The following CMC2 variants were observed in gnomAD, a reference collection of about 807,000 sequenced individuals.
The protein encoded by CMC2 is C-X9-C motif containing 2.
In CMC2, 5 loss-of-function variants were observed where a neutral mutation model predicts 7.5. The ratio of observed to expected loss-of-function variants is 0.66; its 90% CI spans 0.35 to 1.40. The LOEUF (loss-of-function observed/expected upper bound fraction) is 1.40, where lower values mean the gene tolerates loss of function less well. Among genes scored for constraint, CMC2 ranks in the 40% most tolerant of loss-of-function variants. The pLI is 0.04. For synonymous variants in CMC2, 37 were observed against 31.4 expected (o/e 1.18, Z -0.60); for missense variants, 115 against 92.3 (o/e 1.25, Z -1.01).
chr16:80,981,124 G>C (rs958139346), intron 3 of CMC2, among the ~76,000 whole-genome samples: 6 of 148,408 alleles, frequency 4.0e-5, no homozygotes, highest in African/African-American at 1.5e-4. Flanking sequence ...ATATCTGAAA[G>C]GCAAAATTTT....
rs934724731 is a variant in CMC2 at position 80,969,004 on chromosome 16, G to C, written c.*7089C>G. ...AAAACATAACACTTGCCAGCATAGGGAGGTAAGAGTAAGGCCAGTGTGACT... is the reference window on the plus strand; with the variant it reads ...AAAACATAACACTTGCCAGCATAGGCAGGTAAGAGTAAGGCCAGTGTGACT... On this transcript the variant is annotated 3_prime_UTR_variant, in exon 4 of 4. Transcript: ENST00000219400. The C allele has an allele frequency of 6.6e-6, 1 of 152,230 alleles. No homozygotes were observed. Among genetic ancestry groups the C allele is most frequent in the Non-Finnish European group, 1.5e-5 (1 of 68,044 alleles). 9.4% of individuals were successfully genotyped at this position (152,230 alleles called of 1,614,324 possible). A position where few individuals can be genotyped will look rare whatever the true frequency, so the allele number is the denominator to read the frequency against.
At chr16:81,006,687 AG>A (rs1346456614) in intron 1 of CMC2, 46 bp downstream of exon 1, 1 of 983,440 alleles carries the variant, frequency 1.0e-6, no homozygotes, top group Non-Finnish European at 1.2e-6. Flanking sequence ...GGACCTGAGG[AG>A]GAACAACGGA....
intron 2 of CMC2, among the ~76,000 whole-genome samples, chr16:80,986,598 A>T (rs1967558648): frequency 6.6e-6 from 1 of 152,210 alleles, no homozygotes; most frequent in Non-Finnish European, 1.5e-5. Flanking sequence ...GCCCCAATAA[A>T]AGTGTTGCCA....
chr16:80,975,003 G>A lies in CMC2; in HGVS notation c.*1090C>T, dbSNP rs1912175691. 6.6e-6 allele frequency: 1 copy of A among 152,240 alleles called. No individual in the cohort carries two copies. The allele number at this position is 152,240 out of a possible 1,614,324, so 9.4% of individuals were successfully genotyped here. A position where few individuals can be genotyped will look rare whatever the true frequency, so the allele number is the denominator to read the frequency against. ...ATTATACACAGAACTCCACTAGAAG[G>A]AGCTCACAGCTGAGTCTGTTCCCTG... On this transcript the variant is annotated 3_prime_UTR_variant, in exon 4 of 4. Coordinates refer to ENST00000219400, the MANE Select transcript of CMC2 (RefSeq NM_020188.5).
intron 3 of CMC2, among the ~76,000 whole-genome samples, chr16:80,977,025 T>C (rs1912465299): frequency 6.6e-6 from 1 of 152,168 alleles, no homozygotes; most frequent in Admixed American, 6.5e-5. Context: ...ACAGTGGGCC[T>C]ACATCTTAGA....
intron 2 of CMC2, chr16:80,992,107 TGTGA>T (rs1329861734): frequency 8.7e-6 from 3 of 344,172 alleles, no homozygotes; most frequent in African/African-American, 6.5e-5. Flanking sequence ...GGACACTAGA[TGTGA>T]GGTATATGGG....
At chr16:80,984,440 C>T (rs1967367584) in intron 2 of CMC2, among the ~76,000 whole-genome samples, 1 of 152,150 alleles carries the variant, frequency 6.6e-6, no homozygotes, top group Non-Finnish European at 1.5e-5. Context: ...CCATTTTAAA[C>T]GTACGTTTCA....
chr16:80,978,091 A>T (rs546190300), intron 3 of CMC2, among the ~76,000 whole-genome samples: 1 of 140,058 alleles, frequency 7.1e-6, no homozygotes, highest in South Asian at 2.2e-4. Flanking sequence ...AGCTACTTTA[A>T]ATTACACATG....
At chr16:80,976,823 T>C (rs185029594) in intron 3 of CMC2, among the ~76,000 whole-genome samples, 7 of 152,330 alleles carry the variant, frequency 4.6e-5, no homozygotes, top group African/African-American at 1.4e-4. Context: ...GATAACCCAC[T>C]TACTACCTTT....
intron 3 of CMC2, among the ~76,000 whole-genome samples, chr16:80,977,133 TCCCAA>T (rs1285329341): frequency 2.0e-5 from 3 of 152,164 alleles, no homozygotes; most frequent in African/African-American, 7.2e-5. Context: ...TAGCTCAACT[TCCCAA>T]GGTTTCTTCA....
At chr16:80,997,222 C>CA (rs1968496110) in intron 2 of CMC2, 92 bp downstream of exon 2, 1 of 784,994 alleles carries the variant, frequency 1.3e-6, no homozygotes, top group East Asian at 2.5e-5. Context: ...AAGACATTAT[C>CA]GTTTCCTTCT....
Position 80,989,551 on chromosome 16 carries a change from T to C in CMC2, c.82-7674A>G, listed in dbSNP as rs1967810765. On this transcript the variant is annotated intron_variant, in intron 2 of 3. Coordinates refer to ENST00000219400, the MANE Select transcript of CMC2 (RefSeq NM_020188.5). ...GGTTCTTCTTGTTCTTTCCCAGCCCTAGCCCTACAATCAGTCATTTCTCCA... is the reference window on the plus strand; with the variant it reads ...GGTTCTTCTTGTTCTTTCCCAGCCCCAGCCCTACAATCAGTCATTTCTCCA... 2.6e-5 allele frequency among the ~76,000 whole-genome samples: 4 copies of C among 152,220 alleles called. No individual in the cohort carries two copies. The South Asian group carries it at 8.3e-4, about 31-fold the overall frequency.
chr16:80,976,513 C>A (rs575424029), intron 3 of CMC2, among the ~76,000 whole-genome samples: 1 of 152,302 alleles, frequency 6.6e-6, no homozygotes, highest in African/African-American at 2.4e-5. Context: ...AAATTCTGTC[C>A]ATGTTCTCCA....
chr16:80,996,031 T>C (rs1968391044), intron 2 of CMC2, among the ~76,000 whole-genome samples: 1 of 151,632 alleles, frequency 6.6e-6, no homozygotes, highest in Admixed American at 6.6e-5. Context: ...AACGTTTAAA[T>C]AGATTTCAAT....
At chr16:80,994,285 G>C (rs1968234199) in intron 2 of CMC2, among the ~76,000 whole-genome samples, 2 of 151,564 alleles carry the variant, frequency 1.3e-5, no homozygotes, top group Non-Finnish European at 2.9e-5. Context: ...AAGCTAATAC[G>C]ATAGAACTAA....
rs1015050674 is a variant in CMC2 at position 80,967,956 on chromosome 16, A to G, written c.*8137T>C. On this transcript the variant is annotated 3_prime_UTR_variant, in exon 4 of 4. Transcript: ENST00000219400. ...ACATTCTCAACATAATATATCACCAATAAGAACTTTTCTCAAAAACTTAAA... is the reference window on the plus strand; with the variant it reads ...ACATTCTCAACATAATATATCACCAGTAAGAACTTTTCTCAAAAACTTAAA... 1 of 152,170 alleles carries G rather than the reference A, an allele frequency of 6.6e-6. No homozygotes were observed. Among genetic ancestry groups the G allele is most frequent in the African/African-American group, 2.4e-5 (1 of 41,430 alleles). 9.4% of individuals were successfully genotyped at this position (152,170 alleles called of 1,614,324 possible).
At chr16:80,980,675 A>T (rs1159350366) in intron 3 of CMC2, 1 of 518,776 alleles carries the variant, frequency 1.9e-6, no homozygotes, top group Admixed American at 3.4e-5. Flanking sequence ...GGACTGCTTG[A>T]GGTTAGCAGT....
chr16:80,994,093 G>A (rs1040620748), intron 2 of CMC2, among the ~76,000 whole-genome samples: 3 of 152,246 alleles, frequency 2.0e-5, no homozygotes, highest in African/African-American at 7.2e-5. Context: ...TAAATCAGCA[G>A]GGATAGAACA....
At chr16:80,995,209 C>T (rs1567527065) in intron 2 of CMC2, among the ~76,000 whole-genome samples, 1 of 148,992 alleles carries the variant, frequency 6.7e-6, no homozygotes, top group Non-Finnish European at 1.5e-5. Flanking sequence ...CAGCTGCAAA[C>T]TGTTTATTTG....
Sources: gnomAD v4.1 joint callset for allele counts (sites outside exome capture counted in the v4.1 genomes callset) on GRCh38, gnomAD v4.1.1 for gene constraint, MANE v1.5 for transcripts, NCBI Gene and HGNC (gene_info 2026-07-23, HGNC 2026-07-21) for gene names.